The following C14orf39 variants were observed in gnomAD, a reference collection of about 807,000 sequenced individuals.
C14orf39 encodes protein SIX6OS1.
In C14orf39, 66 loss-of-function variants were observed where a neutral mutation model predicts 85.6. The ratio of observed to expected loss-of-function variants is 0.77; its 90% CI spans 0.63 to 0.95. The LOEUF (loss-of-function observed/expected upper bound fraction) is 0.95. Among genes scored for constraint, C14orf39 ranks in the 40% least tolerant of loss-of-function variants. The pLI is 0.00. For missense variants in C14orf39, 735 were observed against 663.9 expected (o/e 1.11, Z -1.18); for synonymous variants, 242 against 214.0 (o/e 1.13, Z -1.14).
upstream of C14orf39, among the ~76,000 whole-genome samples, chr14:60,488,096 T>C (rs994016645): frequency 1.3e-5 from 2 of 152,208 alleles, no homozygotes; most frequent in African/African-American, 4.8e-5. Context: ...TAAATCTATT[T>C]TGTCTTACTG....
rs139648075 is a variant in C14orf39 at position 60,453,428 on chromosome 14, G to A, written c.1503+1573C>T. ...TTTTCCATCCATTTACTGTCAACCC[G>A]TCTTTGCCTTTATATTTAAAGTGTG... On this transcript the variant is annotated intron_variant, in intron 16 of 17. Transcript: ENST00000321731. 9.9e-4 allele frequency among the ~76,000 whole-genome samples: 148 copies of A among 149,922 alleles called. 1 individual carries two copies. The highest frequency in any genetic ancestry group is 7.1e-3 in the Middle Eastern group (2 of 282).
At chr14:60,504,307 G>C (rs144928862) in intron 1 of C14orf39, among the ~76,000 whole-genome samples, 4 of 152,154 alleles carry the variant, frequency 2.6e-5, no homozygotes, top group African/African-American at 9.7e-5. Context: ...ATAGTACTTA[G>C]AAGGAAATTA....
chr14:60,479,789 T>C (rs1405326826), intron 4 of C14orf39, among the ~76,000 whole-genome samples: 1 of 152,164 alleles, frequency 6.6e-6, no homozygotes, highest in Non-Finnish European at 1.5e-5. Flanking sequence ...CCCATATCCA[T>C]AAATATACAC....
At position 60,465,269 on chromosome 14, in the gene C14orf39, T is replaced by C. The variant is rs115704421; in HGVS notation, c.972+710A>G. On this transcript the variant is annotated intron_variant, in intron 11 of 17. Transcript: ENST00000321731. ...TAATTACTTTGGTCACCACTACCAGTGGAAGAACAATTATATTTTTCATTG... is the reference window on the plus strand; with the variant it reads ...TAATTACTTTGGTCACCACTACCAGCGGAAGAACAATTATATTTTTCATTG... Among the ~76,000 whole-genome samples the C allele has an allele frequency of 6.9e-3, 1,055 of 152,266 alleles. 13 individuals carry two copies. Among genetic ancestry groups the C allele is most frequent in the African/African-American group, 0.024 (984 of 41,578 alleles).
exon 2 of C14orf39, chr14:60,499,317 A>G (rs1893108546): frequency 6.6e-6 from 1 of 152,202 alleles, no homozygotes; most frequent in South Asian, 2.1e-4. Context: ...ATGTACTTCA[A>G]CTGCAGTTGT....
chr14:60,507,322 G>A (rs1465819806), intron 1 of C14orf39, among the ~76,000 whole-genome samples: 1 of 152,072 alleles, frequency 6.6e-6, no homozygotes, highest in Non-Finnish European at 1.5e-5. Context: ...TCTGCACCGC[G>A]GATTCTCCTC....
chr14:60,492,650 G>C (rs559719591), intron 2 of C14orf39, among the ~76,000 whole-genome samples: 2 of 151,900 alleles, frequency 1.3e-5, no homozygotes, highest in African/African-American at 4.8e-5. Flanking sequence ...GTGTGTGCTG[G>C]TATGTGCCTG....
intron 9 of C14orf39, among the ~76,000 whole-genome samples, chr14:60,468,170 T>C (rs897731983): frequency 2.0e-5 from 3 of 151,758 alleles, no homozygotes; most frequent in Non-Finnish European, 1.5e-5. Flanking sequence ...ACTGGATGAA[T>C]TATACAACTG....
chr14:60,457,195 T>C (rs1429729592), intron 14 of C14orf39, 100 bp from the exon 15 acceptor site: 9 of 655,620 alleles, frequency 1.4e-5, no homozygotes, highest in Non-Finnish European at 2.2e-5. Context: ...TAATCCATGA[T>C]GTTAACATTG....
At chr14:60,486,831 A>G (rs1266275275), upstream of C14orf39, among the ~76,000 whole-genome samples, 1 of 152,232 alleles carries the variant, frequency 6.6e-6, no homozygotes, top group Non-Finnish European at 1.5e-5. Context: ...GATATGCATA[A>G]CCAATTTTAT....
chr14:60,456,998 A>G lies in C14orf39; in HGVS notation c.1277T>C (p.Ile426Thr). ...ENFPRTSEIP[I>T]FLGTPKAVKA... ...CACAGCTTTGGGAGTTCCTAAAAAT[A>G]TAGGAATTTCAGACGTTCGTGGAAA... The change falls in exon 15 of 18, where the codon ATA becomes ACA. Residue 426 changes from isoleucine (I) to threonine (T), a missense_variant. Coordinates refer to ENST00000321731, the MANE Select transcript of C14orf39 (RefSeq NM_174978.3). 6.2e-7 allele frequency: 1 copy of G among 1,611,438 alleles called. No homozygotes were observed. The highest frequency in any genetic ancestry group is 8.5e-7 in the Non-Finnish European group (1 of 1,178,516).
At chr14:60,497,532 C>G (rs543235927) in intron 2 of C14orf39, among the ~76,000 whole-genome samples, 2 of 152,286 alleles carry the variant, frequency 1.3e-5, no homozygotes, top group East Asian at 3.9e-4. Flanking sequence ...AAAACAGTCA[C>G]AGATGAGGAA....
rs528446030 is a variant in C14orf39, at chr14:60,445,800, A to G, written c.1504-3669T>C. On this transcript the variant is annotated intron_variant, in intron 16 of 17. Transcript: ENST00000321731. ...CATTGCACTTATTCTAAAATCGACC[A>G]CATAATTGGAAGTAAAACACTCCTC... Among the ~76,000 whole-genome samples, 4 of 152,324 alleles carry G rather than the reference A, an allele frequency of 2.6e-5. No homozygotes were observed. In the East Asian group the frequency reaches 5.8e-4, roughly 22 times the overall value.
At chr14:60,511,325 A>T (rs1893291207) in intron 1 of C14orf39, 1 of 1,519,744 alleles carries the variant, frequency 6.6e-7, no homozygotes. Context: ...GAGGGGAAGA[A>T]GATGAGAGAC....
intron 1 of C14orf39, among the ~76,000 whole-genome samples, chr14:60,507,578 C>T (rs1185053928): frequency 6.6e-6 from 1 of 152,184 alleles, no homozygotes; most frequent in Admixed American, 6.5e-5. Flanking sequence ...TTTTCTTCCC[C>T]TCTGCTATTT....
chr14:60,479,621 T>C (rs1892544812), intron 4 of C14orf39, among the ~76,000 whole-genome samples: 1 of 152,200 alleles, frequency 6.6e-6, no homozygotes, highest in Non-Finnish European at 1.5e-5. Flanking sequence ...TTGATGTACA[T>C]CCTTCTAGAC....
chr14:60,450,569 C>T (rs543166866), intron 16 of C14orf39, among the ~76,000 whole-genome samples: 20 of 152,206 alleles, frequency 1.3e-4, no homozygotes, highest in Non-Finnish European at 2.5e-4. Context: ...ATCTCTAGAC[C>T]TGCCTAGGGC....
intron 13 of C14orf39, among the ~76,000 whole-genome samples, chr14:60,459,292 A>G (rs1291899345): frequency 2.0e-5 from 3 of 151,746 alleles, no homozygotes; most frequent in Non-Finnish European, 4.4e-5. Context: ...CTGTAAATGG[A>G]TATTTGAAGT....
At chr14:60,461,916 T>A (rs2140092082) in intron 11 of C14orf39, among the ~76,000 whole-genome samples, 1 of 152,242 alleles carries the variant, frequency 6.6e-6, no homozygotes, top group Admixed American at 6.5e-5. Flanking sequence ...AATGTTACCA[T>A]TTTCTCAACT....
Sources: allele counts gnomAD v4.1 joint callset (sites outside exome capture counted in the v4.1 genomes callset), GRCh38; gene constraint gnomAD v4.1.1; transcripts MANE v1.5; gene names NCBI Gene and HGNC (gene_info 2026-07-23, HGNC 2026-07-21).